Variants in PTER observed in about 807,000 individuals in gnomAD.
The protein encoded by PTER is phosphotriesterase related, also known as N-acetyltaurine hydrolase.
Under a neutral mutation model 29.6 loss-of-function variants are expected in PTER, and 38 were observed. That is an observed-to-expected ratio of 1.28 (90% CI 0.99 to 1.68). PTER has a LOEUF of 1.68. Ranked by LOEUF, PTER falls within the 40% of genes most tolerant of loss-of-function variation. The probability of loss-of-function intolerance (pLI) is 0.00; values close to 1 mark genes in which losing one functional copy is unlikely to be tolerated. For synonymous variants in PTER, 172 were observed against 154.5 expected (o/e 1.11, Z -0.84); for missense variants, 482 against 427.8 (o/e 1.13, Z -1.12).
At chr10:16,457,425 C>G (rs949835385) in intron 1 of PTER, among the ~76,000 whole-genome samples, 9 of 151,992 alleles carry the variant, frequency 5.9e-5, no homozygotes, top group African/African-American at 2.2e-4. Context: ...GTGTTAGCCA[C>G]GATGGTCTCG....
intron 3 of PTER, among the ~76,000 whole-genome samples, chr10:16,488,552 T>C (rs1835783294): frequency 6.6e-6 from 1 of 151,958 alleles, no homozygotes; most frequent in Admixed American, 6.6e-5. Flanking sequence ...TAATCATTTA[T>C]CATGTTCAAG....
chr10:16,515,290 C>T (rs1486887113), downstream of PTER, among the ~76,000 whole-genome samples: 2 of 151,660 alleles, frequency 1.3e-5, no homozygotes, highest in African/African-American at 4.8e-5. Flanking sequence ...GTAAAGCCCC[C>T]TTTACCAGGC....
Position 16,486,429 on chromosome 10 carries a change from T to G in PTER, c.510T>G (p.Ile170Met). Residue 170 changes from isoleucine to methionine, a missense_variant, in exon 3 of 5, where the codon ATT becomes ATG. Physicochemically the swap from Ile to Met is conservative, Grantham distance 10. Transcript: ENST00000535784. ...TCAAGTGTGGCATTATTGGAGAAAT[T>G]GGTTGCTCCTGGCCTTTGACTGAGA... ...TSIKCGIIGE[I>M]GCSWPLTESE... 6.2e-7 allele frequency: 1 copy of G among 1,614,088 alleles called. No individual in the cohort carries two copies. The highest frequency in any genetic ancestry group is 1.1e-5 in the South Asian group (1 of 91,078).
the PTER span, among the ~76,000 whole-genome samples, chr10:16,518,896 G>A: frequency 6.6e-6 from 1 of 151,974 alleles, no homozygotes; most frequent in African/African-American, 2.4e-5. Flanking sequence ...CTCCATTCTG[G>A]TACAGTGAGT....
intron 1 of PTER, among the ~76,000 whole-genome samples, chr10:16,466,281 C>T (rs574275299): frequency 6.8e-6 from 1 of 146,850 alleles, no homozygotes; most frequent in Non-Finnish European, 1.5e-5. Context: ...GCTGTCAGAC[C>T]TTTTTCTGTT....
At chr10:16,486,772 A>G in intron 3 of PTER, 155 bp downstream of exon 3, 1 of 897,660 alleles carries the variant, frequency 1.1e-6, no homozygotes, top group Non-Finnish European at 1.6e-6. Flanking sequence ...CACAACTGAC[A>G]TGAATAAAAG....
chr10:16,470,045 C>T (rs1388926259), intron 1 of PTER, among the ~76,000 whole-genome samples: 1 of 152,022 alleles, frequency 6.6e-6, no homozygotes, highest in African/African-American at 2.4e-5. Flanking sequence ...TTGTTATTGT[C>T]GGCTAAACTA....
At chr10:16,443,139 T>G (rs890092856) in intron 1 of PTER, among the ~76,000 whole-genome samples, 2 of 152,180 alleles carry the variant, frequency 1.3e-5, no homozygotes, top group Non-Finnish European at 2.9e-5. Flanking sequence ...GACATTTATT[T>G]TCTCACAGCT....
At chr10:16,484,837 G>A in intron 2 of PTER, 21 bp downstream of exon 2, 2 of 1,565,128 alleles carry the variant, frequency 1.3e-6, no homozygotes, top group South Asian at 2.5e-5. Flanking sequence ...TAAGTTCTTT[G>A]ACAGTATTTG....
In PTER at chr10:16,513,332, T is replaced by C. The variant is rs970689196; in HGVS notation, c.*2076T>C. ...GCATGTTTGTGTGTGTATATATGCA[T>C]ACACTTTTTTATATTAAAATTTTGA... On this transcript the variant is annotated 3_prime_UTR_variant, in exon 5 of 5. Transcript: ENST00000535784. 3 of 152,566 alleles carry C rather than the reference T, an allele frequency of 2.0e-5. No individual in the cohort carries two copies. The highest frequency in any genetic ancestry group is 7.2e-5 in the African/African-American group (3 of 41,454). The allele number at this position is 152,566 out of a possible 1,614,324, so 9.5% of individuals were successfully genotyped here. A position where few individuals can be genotyped will look rare whatever the true frequency, so the allele number is the denominator to read the frequency against.
intron 1 of PTER, among the ~76,000 whole-genome samples, chr10:16,448,124 T>C (rs1588583408): frequency 3.3e-5 from 5 of 152,272 alleles, no homozygotes; most frequent in Admixed American, 3.3e-4. Context: ...GAGCTGTCTC[T>C]CAAAAGGACA....
chr10:16,452,444 G>A (rs1834247605), intron 1 of PTER, among the ~76,000 whole-genome samples: 1 of 151,734 alleles, frequency 6.6e-6, no homozygotes, highest in Admixed American at 6.6e-5. Flanking sequence ...CTATAGGTGT[G>A]CATGACCACG....
intron 1 of PTER, among the ~76,000 whole-genome samples, chr10:16,470,301 T>C (rs963008333): frequency 2.0e-5 from 3 of 152,258 alleles, no homozygotes; most frequent in Admixed American, 6.5e-5. Flanking sequence ...AAAGGCATTA[T>C]TGTTGGTTCC....
intron 3 of PTER, among the ~76,000 whole-genome samples, chr10:16,504,662 A>G (rs1836490945): frequency 6.6e-6 from 1 of 152,204 alleles, no homozygotes; most frequent in African/African-American, 2.4e-5. Context: ...TCTTTAGAGG[A>G]TGAAAATTTA....
chr10:16,440,923 G>C (rs1360151175), intron 1 of PTER, among the ~76,000 whole-genome samples: 1 of 152,172 alleles, frequency 6.6e-6, no homozygotes, highest in African/African-American at 2.4e-5. Flanking sequence ...GGGATTTCTG[G>C]CTCTGGTTTA....
At chr10:16,474,670 G>C (rs571814009) in intron 1 of PTER, among the ~76,000 whole-genome samples, 1 of 152,064 alleles carries the variant, frequency 6.6e-6, no homozygotes, top group African/African-American at 2.4e-5. Context: ...GGTGGATCAT[G>C]AGGTCAGGAG....
intron 1 of PTER, among the ~76,000 whole-genome samples, chr10:16,452,225 A>G (rs1194397504): frequency 6.6e-6 from 1 of 151,642 alleles, no homozygotes; most frequent in African/African-American, 2.4e-5. Context: ...ACACACATAT[A>G]TATACATATA....
intron 3 of PTER, among the ~76,000 whole-genome samples, chr10:16,500,885 C>T (rs1302695959): frequency 6.6e-6 from 1 of 151,906 alleles, no homozygotes; most frequent in Non-Finnish European, 1.5e-5. Flanking sequence ...GGACCACAGG[C>T]GTGAGCCACC....
At chr10:16,451,636 C>A (rs1220976492) in intron 1 of PTER, among the ~76,000 whole-genome samples, 2 of 152,186 alleles carry the variant, frequency 1.3e-5, no homozygotes, top group East Asian at 3.9e-4. Flanking sequence ...CACTTGAACC[C>A]GGGAGGCAGA....
Sources: gnomAD v4.1 joint callset for allele counts (sites outside exome capture counted in the v4.1 genomes callset) on GRCh38, gnomAD v4.1.1 for gene constraint, MANE v1.5 for transcripts, NCBI Gene and HGNC (gene_info 2026-07-23, HGNC 2026-07-21) for gene names.